Variants in PRDM16 observed in about 807,000 individuals in gnomAD.
PRDM16 encodes the protein histone-lysine N-methyltransferase PRDM16.
In PRDM16, 23 loss-of-function variants were observed where a neutral mutation model predicts 110.6. The ratio of observed to expected loss-of-function variants is 0.21; its 90% confidence interval spans 0.15 to 0.29. The LOEUF is 0.29. PRDM16 is among the 10% of genes least tolerant of loss of function. The pLI, the probability that PRDM16 is intolerant of heterozygous loss-of-function variation, is 1.00. For missense variants in PRDM16, 1,615 were observed against 1,794.3 expected, an observed-to-expected ratio of 0.90 and a Z score of 1.81; for synonymous variants, 799 against 781.8, an observed-to-expected ratio of 1.02 and a Z score of -0.37.
At chr1:3,403,225 G>A (rs557311442) in intron 6 of PRDM16, among the ~76,000 whole-genome samples, 6 of 152,306 alleles carry the variant, frequency 3.9e-5, no homozygotes, top group East Asian at 3.9e-4. Flanking sequence ...GGCCAGAGCC[G>A]CAGGTGTCCC....
At chr1:3,105,678 G>T (rs72846072) in intron 1 of PRDM16, among the ~76,000 whole-genome samples, 1 of 152,202 alleles carries the variant, frequency 6.6e-6, no homozygotes, top group Admixed American at 6.5e-5. Context: ...TGCATTCCTC[G>T]GGCAGGCTCT....
At chr1:3,277,232 G>T (rs1640606499) in intron 3 of PRDM16, among the ~76,000 whole-genome samples, 1 of 152,202 alleles carries the variant, frequency 6.6e-6, no homozygotes, top group African/African-American at 2.4e-5. Flanking sequence ...CCGGCCCCAT[G>T]CCTCTCTGTG....
chr1:3,258,856 T>A (rs978540431), intron 3 of PRDM16, among the ~76,000 whole-genome samples: 2 of 152,224 alleles, frequency 1.3e-5, no homozygotes, highest in African/African-American at 2.4e-5. Context: ...GGCTTTCTTC[T>A]TGCCTCCCAA....
chr1:3,075,030 C>G (rs922144803), intron 1 of PRDM16, among the ~76,000 whole-genome samples: 4 of 152,256 alleles, frequency 2.6e-5, no homozygotes, highest in Admixed American at 1.3e-4. Flanking sequence ...AGTGGCCTCT[C>G]CCTGGTCTGA....
At chr1:3,257,717 T>G (rs550192800) in intron 3 of PRDM16, among the ~76,000 whole-genome samples, 2 of 152,352 alleles carry the variant, frequency 1.3e-5, no homozygotes, top group Admixed American at 6.5e-5. Flanking sequence ...ACGCCTGCCT[T>G]GGGGTCTTGC....
chr1:3,220,288 C>T (rs1423107062), intron 2 of PRDM16, among the ~76,000 whole-genome samples: 3 of 152,208 alleles, frequency 2.0e-5, no homozygotes, highest in Non-Finnish European at 4.4e-5. Flanking sequence ...CGTGGGGCCA[C>T]GTCACAGGCA....
intron 3 of PRDM16, among the ~76,000 whole-genome samples, chr1:3,340,835 A>C (rs1221133931): frequency 6.6e-6 from 1 of 152,354 alleles, no homozygotes; most frequent in South Asian, 2.1e-4. Flanking sequence ...GGGTGGCTGA[A>C]GGCAGAAGGC....
At chr1:3,233,778 G>T (rs1269361314) in intron 2 of PRDM16, among the ~76,000 whole-genome samples, 2 of 152,124 alleles carry the variant, frequency 1.3e-5, no homozygotes, top group Non-Finnish European at 2.9e-5. Flanking sequence ...TGTGGATCGT[G>T]GCGATGGTTT....
rs75861985 is a variant in PRDM16, at chr1:3,426,404, G to A, written c.3284+179G>A. ...GGCTCTGGGAACCTGGGGAAGCTGCGCTGTCTGCCTCAGTTCCTCCACCTG... is the reference window on the plus strand; with the variant it reads ...GGCTCTGGGAACCTGGGGAAGCTGCACTGTCTGCCTCAGTTCCTCCACCTG... On this transcript the variant is annotated intron_variant, in intron 14 of 16. Coordinates refer to ENST00000270722, the MANE Select transcript of PRDM16 (RefSeq NM_022114.4). Among the ~76,000 whole-genome samples the A allele has an allele frequency of 0.11, 16,128 of 151,950 alleles. 1,041 individuals are homozygous for A. Among genetic ancestry groups the A allele is most frequent in the Non-Finnish European group, 0.16 (10,652 of 67,926 alleles).
intron 3 of PRDM16, among the ~76,000 whole-genome samples, chr1:3,267,165 G>A (rs183666809): frequency 1.6e-4 from 24 of 152,252 alleles, no homozygotes; most frequent in East Asian, 9.7e-4. Context: ...CCCGTGAGCA[G>A]CCACGCCCAT....
intron 3 of PRDM16, among the ~76,000 whole-genome samples, chr1:3,311,923 C>T (rs1641470813): frequency 6.6e-6 from 1 of 152,180 alleles, no homozygotes; most frequent in Non-Finnish European, 1.5e-5. Context: ...TACAGCTTTG[C>T]AGGTCAGCTC....
At chr1:3,300,357 CGTGGTG>C (rs1641181346) in intron 3 of PRDM16, among the ~76,000 whole-genome samples, 3 of 131,250 alleles carry the variant, frequency 2.3e-5, no homozygotes, top group East Asian at 2.7e-4. Flanking sequence ...CGATCCCAGT[CGTGGTG>C]ACTCTGCCCT....
At chr1:3,373,698 A>G (rs1318434717) in intron 3 of PRDM16, among the ~76,000 whole-genome samples, 2 of 152,172 alleles carry the variant, frequency 1.3e-5, no homozygotes, top group African/African-American at 4.8e-5. Flanking sequence ...GGGCTGGGGC[A>G]TCAGTTCTAG....
intron 3 of PRDM16, among the ~76,000 whole-genome samples, chr1:3,336,221 T>C (rs761143212): frequency 6.6e-6 from 1 of 152,158 alleles, no homozygotes; most frequent in Non-Finnish European, 1.5e-5. Context: ...TATGTGCGCA[T>C]GTGTGCACGT....
chr1:3,234,742 G>A (rs2817164), intron 2 of PRDM16, among the ~76,000 whole-genome samples: 8 of 152,218 alleles, frequency 5.3e-5, no homozygotes, highest in African/African-American at 1.7e-4. Context: ...TACAAGGAGA[G>A]CTCCCATTTT....
chr1:3,196,086 C>T (rs766780574), intron 2 of PRDM16, among the ~76,000 whole-genome samples: 16 of 152,358 alleles, frequency 1.1e-4, no homozygotes, highest in African/African-American at 3.1e-4. Context: ...GTGTGGGTCC[C>T]GCTCAGTGAC....
intron 15 of PRDM16, 100 bp from the exon 16 acceptor site, chr1:3,431,866 G>T: frequency 8.5e-7 from 1 of 1,176,700 alleles, no homozygotes; most frequent in South Asian, 1.4e-5. Flanking sequence ...GAGATGCAGC[G>T]GCGTGCATGC....
At chr1:3,195,049 G>A (rs1638430473) in intron 2 of PRDM16, among the ~76,000 whole-genome samples, 1 of 152,246 alleles carries the variant, frequency 6.6e-6, no homozygotes, top group African/African-American at 2.4e-5. Context: ...GCCAGTGGAT[G>A]CTCTGAGGAG....
intron 1 of PRDM16, among the ~76,000 whole-genome samples, chr1:3,071,220 C>A (rs1360604667): frequency 1.3e-5 from 2 of 152,252 alleles, no homozygotes; most frequent in Admixed American, 1.3e-4. Context: ...GGCGCACCCG[C>A]GCGGCCCTGG....
Sources: allele counts gnomAD v4.1 joint callset (sites outside exome capture counted in the v4.1 genomes callset), GRCh38; gene constraint gnomAD v4.1.1; transcripts MANE v1.5; gene names NCBI Gene and HGNC (gene_info 2026-07-23, HGNC 2026-07-21).